The following MAGI3 variants were observed in gnomAD, a reference collection of about 807,000 sequenced individuals.
The protein encoded by MAGI3 is membrane associated guanylate kinase, WW and PDZ domain containing 3.
Under a neutral mutation model 121.8 loss-of-function variants are expected in MAGI3, and 43 were observed. That is an observed-to-expected ratio of 0.35 (90% CI 0.28 to 0.46). The LOEUF (loss-of-function observed/expected upper bound fraction) is 0.46, where lower values mean the gene tolerates loss of function less well. Among genes scored for constraint, MAGI3 ranks in the 20% least tolerant of loss-of-function variants. MAGI3 has a pLI of 1.00. For missense variants in MAGI3, 1,547 were observed against 1,797.3 expected, an observed-to-expected ratio of 0.86 and a Z score of 2.52; for synonymous variants, 553 against 639.3, an observed-to-expected ratio of 0.86 and a Z score of 2.04.
intron 2 of MAGI3, among the ~76,000 whole-genome samples, chr1:113,558,139 G>A (rs1408058147): frequency 6.6e-6 from 1 of 152,146 alleles, no homozygotes; most frequent in Non-Finnish European, 1.5e-5. Flanking sequence ...AACTCAAAAA[G>A]CTAGGGTACC....
intron 1 of MAGI3, among the ~76,000 whole-genome samples, chr1:113,392,932 G>C: frequency 6.6e-6 from 1 of 152,180 alleles, no homozygotes; most frequent in Non-Finnish European, 1.5e-5. Flanking sequence ...ATGAGTTAGT[G>C]AATAGTGAGA....
intron 1 of MAGI3, among the ~76,000 whole-genome samples, chr1:113,413,004 G>T (rs1652084540): frequency 6.6e-6 from 1 of 152,240 alleles, no homozygotes; most frequent in East Asian, 1.9e-4. Context: ...GGTTTTTATG[G>T]TTTTAGGCCT....
At chr1:113,415,640 A>C (rs1652261414) in intron 1 of MAGI3, among the ~76,000 whole-genome samples, 1 of 151,830 alleles carries the variant, frequency 6.6e-6, no homozygotes, top group Admixed American at 6.6e-5. Flanking sequence ...TGCCAACTAA[A>C]ATCTTCAGTT....
chr1:113,604,180 T>TA (rs1193507521), intron 6 of MAGI3, among the ~76,000 whole-genome samples: 1 of 152,308 alleles, frequency 6.6e-6, no homozygotes, highest in Non-Finnish European at 1.5e-5. Flanking sequence ...GACACCTGCT[T>TA]ATGTATGTCT....
Position 113,407,880 on chromosome 1 carries a change from A to G in MAGI3, c.316+16531A>G, listed in dbSNP as rs1279692722. ...CCCAAATTTCTATGTCAAAAATGCA[A>G]AAGATGTAGTACTACAGTTGCATTT... On this transcript the variant is annotated intron_variant, in intron 1 of 20. Transcript: ENST00000307546. Among the ~76,000 whole-genome samples, 5 of 152,302 alleles carry G rather than the reference A, an allele frequency of 3.3e-5. No individual in the cohort carries two copies. The South Asian group carries it at 6.2e-4, about 19-fold the overall frequency.
At chr1:113,620,128 A>G (rs1337714275) in intron 8 of MAGI3, among the ~76,000 whole-genome samples, 1 of 152,116 alleles carries the variant, frequency 6.6e-6, no homozygotes, top group African/African-American at 2.4e-5. Context: ...TTAAGGCTAG[A>G]CCAATATTAG....
intron 1 of MAGI3, among the ~76,000 whole-genome samples, chr1:113,419,842 C>T (rs552131560): frequency 5.3e-5 from 8 of 152,188 alleles, no homozygotes; most frequent in African/African-American, 1.7e-4. Context: ...GGGAAGAATC[C>T]ATTTTCTTGC....
Position 113,416,344 on chromosome 1 carries a change from T to G in MAGI3, c.316+24995T>G, listed in dbSNP as rs1292546586. Among the ~76,000 whole-genome samples, 29 of 54,878 alleles carry G rather than the reference T, an allele frequency of 5.3e-4. 4 individuals are homozygous for G. In the South Asian group the frequency reaches 0.017, roughly 32 times the overall value. 36.0% of individuals were successfully genotyped at this position (54,878 alleles called of 152,430 possible). A position where few individuals can be genotyped will look rare whatever the true frequency, so the allele number is the denominator to read the frequency against. The stretch of plus-strand genomic sequence containing the variant: ...TAATTAATTATATATCAATCATATA[T>G]TAATTATATATTAATTTATATTATA... On this transcript the variant is annotated intron_variant, in intron 1 of 20. Transcript: ENST00000307546.
chr1:113,521,899 A>G (rs1227578364), intron 1 of MAGI3, among the ~76,000 whole-genome samples: 1 of 151,998 alleles, frequency 6.6e-6, no homozygotes, highest in African/African-American at 2.4e-5. Flanking sequence ...TCTCCTTTTG[A>G]TATGACTTCC....
At chr1:113,659,497 T>A (rs1191047055) in intron 16 of MAGI3, among the ~76,000 whole-genome samples, 1 of 152,220 alleles carries the variant, frequency 6.6e-6, no homozygotes, top group Non-Finnish European at 1.5e-5. Flanking sequence ...ACCGTTTATT[T>A]ATGTGCTAGA....
rs184556856 is a variant in MAGI3, at chr1:113,418,404, A to G, written c.316+27055A>G. Reference sequence around the variant, plus strand: ...ACATGCTTTTTGCTTTCCAGCCATTACTTGTGCTATTTCACTAATCTGGTA... The same window carrying G: ...ACATGCTTTTTGCTTTCCAGCCATTGCTTGTGCTATTTCACTAATCTGGTA... On this transcript the variant is annotated intron_variant, in intron 1 of 20. Transcript: ENST00000307546. Among the ~76,000 whole-genome samples the G allele has an allele frequency of 1.0e-3, 155 of 152,162 alleles. 2 individuals carry two copies. Among genetic ancestry groups the G allele is most frequent in the Non-Finnish European group, 3.8e-4 (26 of 67,982 alleles).
At chr1:113,651,451 C>T (rs1430487357) in intron 14 of MAGI3, among the ~76,000 whole-genome samples, 3 of 152,140 alleles carry the variant, frequency 2.0e-5, no homozygotes, top group Non-Finnish European at 4.4e-5. Context: ...ATGCATTTTG[C>T]AAATGTATTA....
At chr1:113,453,867 G>A (rs1276004869) in intron 1 of MAGI3, among the ~76,000 whole-genome samples, 2 of 152,236 alleles carry the variant, frequency 1.3e-5, no homozygotes, top group African/African-American at 4.8e-5. Flanking sequence ...TCTGATTTCA[G>A]AGCTGGTGCA....
chr1:113,416,166 A>G (rs1416347211), intron 1 of MAGI3, among the ~76,000 whole-genome samples: 149 of 83,326 alleles, frequency 1.8e-3, no homozygotes, highest in African/African-American at 5.2e-3. Flanking sequence ...ACATATTATT[A>G]TGTAATTAAT....
At chr1:113,603,892 T>G (rs1379872411) in intron 6 of MAGI3, among the ~76,000 whole-genome samples, 1 of 151,860 alleles carries the variant, frequency 6.6e-6, no homozygotes, top group Non-Finnish European at 1.5e-5. Flanking sequence ...AACAAACATA[T>G]GAAAAAAAAT....
chr1:113,430,892 G>C lies in MAGI3; in HGVS notation c.316+39543G>C, dbSNP rs1185136055. On this transcript the variant is annotated intron_variant, in intron 1 of 20. Coordinates refer to ENST00000307546, the MANE Select transcript of MAGI3 (RefSeq NM_001142782.2). Reference sequence around the variant, plus strand: ...TTGAACAGTCAAGAAAACATTAATTGGTTTATTTTTCTGATAATATGGCTC... The same window carrying C: ...TTGAACAGTCAAGAAAACATTAATTCGTTTATTTTTCTGATAATATGGCTC... 2.0e-5 allele frequency among the ~76,000 whole-genome samples: 3 copies of C among 152,032 alleles called. No homozygotes were observed. In the East Asian group the frequency reaches 5.8e-4, roughly 29 times the overall value.
intron 1 of MAGI3, among the ~76,000 whole-genome samples, chr1:113,523,620 G>T (rs1384287013): frequency 6.6e-6 from 1 of 152,198 alleles, no homozygotes; most frequent in Non-Finnish European, 1.5e-5. Context: ...AAATGATTTA[G>T]TGTATCTGGT....
At chr1:113,524,909 G>A (rs1658379886) in intron 1 of MAGI3, among the ~76,000 whole-genome samples, 1 of 152,202 alleles carries the variant, frequency 6.6e-6, no homozygotes, top group African/African-American at 2.4e-5. Context: ...CATGTTGTGG[G>A]AGAGACCCCA....
chr1:113,460,224 C>A (rs1054040803), intron 1 of MAGI3, among the ~76,000 whole-genome samples: 6 of 152,134 alleles, frequency 3.9e-5, no homozygotes, highest in Non-Finnish European at 8.8e-5. Context: ...TTCAACATCC[C>A]TTAATGTAAA....
Sources: allele counts gnomAD v4.1 joint callset (sites outside exome capture counted in the v4.1 genomes callset), GRCh38; gene constraint gnomAD v4.1.1; transcripts MANE v1.5; gene names NCBI Gene and HGNC (gene_info 2026-07-23, HGNC 2026-07-21).